Variants in KDM5A observed in about 807,000 individuals in gnomAD.
KDM5A encodes the protein lysine demethylase 5A, also known as lysine-specific demethylase 5A.
In KDM5A, 42 loss-of-function variants were observed where a neutral mutation model predicts 193.5. The observed-to-expected ratio is 0.22, with a 90% CI of 0.17 to 0.28. KDM5A has a LOEUF of 0.28. KDM5A is among the 10% of genes least tolerant of loss of function. The pLI is 1.00. For missense variants in KDM5A, 1,692 were observed against 2,055.1 expected, an observed-to-expected ratio of 0.82 and a Z score of 3.42; for synonymous variants, 796 against 718.1, an observed-to-expected ratio of 1.11 and a Z score of -1.73.
intron 24 of KDM5A, among the ~76,000 whole-genome samples, chr12:298,136 T>C (rs1943397129): frequency 6.6e-6 from 1 of 152,148 alleles, no homozygotes; most frequent in Non-Finnish European, 1.5e-5. Context: ...GACTTAAATG[T>C]CCCTGCCTGA....
At chr12:323,329 G>T in intron 15 of KDM5A, 123 bp from the exon 16 acceptor site, 2 of 1,188,986 alleles carry the variant, frequency 1.7e-6, no homozygotes, top group South Asian at 1.5e-5. Context: ...AATGGCCAAG[G>T]GAATGGGATC....
At chr12:383,405 T>C (rs1295481348) in intron 3 of KDM5A, among the ~76,000 whole-genome samples, 2 of 151,860 alleles carry the variant, frequency 1.3e-5, no homozygotes, top group Non-Finnish European at 2.9e-5. Flanking sequence ...TTAGTAGACA[T>C]AGGGTTTCAC....
At chr12:291,707 A>C (rs759270568) in intron 27 of KDM5A, among the ~76,000 whole-genome samples, 1 of 152,202 alleles carries the variant, frequency 6.6e-6, no homozygotes, top group Non-Finnish European at 1.5e-5. Context: ...GAGCATAATA[A>C]AATTAAAACT....
At chr12:322,038 C>A (rs1943723879) in intron 17 of KDM5A, among the ~76,000 whole-genome samples, 1 of 152,074 alleles carries the variant, frequency 6.6e-6, no homozygotes, top group African/African-American at 2.4e-5. Context: ...AAGAGGACTG[C>A]AATTTTATAA....
At chr12:374,497 A>G (rs1310973880) in intron 3 of KDM5A, among the ~76,000 whole-genome samples, 1 of 152,190 alleles carries the variant, frequency 6.6e-6, no homozygotes, top group Non-Finnish European at 1.5e-5. Context: ...TCCTGAATAA[A>G]GCACACTGGT....
rs938755035 is a variant in KDM5A at position 370,288 on chromosome 12, G to A, written c.367-4184C>T. Among the ~76,000 whole-genome samples the A allele has an allele frequency of 2.6e-5, 4 of 152,196 alleles. 1 individual carries two copies. Among genetic ancestry groups the A allele is most frequent in the African/African-American group, 9.6e-5 (4 of 41,460 alleles). On this transcript the variant is annotated intron_variant, in intron 3 of 27. Coordinates refer to ENST00000399788, the MANE Select transcript of KDM5A (RefSeq NM_001042603.3). ...GGCACCTGTAATCCCAGTTACTTGG[G>A]AGGCTGAGGCAGGAGAATCACTTGA...
rs557084258 is a variant in KDM5A, at chr12:343,670, G to A, written c.1308+6951C>T. ...AAACTCCAACAGATCTGCAGCTGAG[G>A]GTCCTGACTGTTAGAAGGAAAACTA... is the stretch of plus-strand genomic sequence containing the variant. On this transcript the variant is annotated intron_variant, in intron 10 of 27. Transcript: ENST00000399788. Among the ~76,000 whole-genome samples the A allele has an allele frequency of 1.6e-4, 25 of 152,268 alleles. No individual in the cohort carries two copies. The South Asian group carries it at 5.0e-3, about 30-fold the overall frequency.
chr12:323,210 CAAAAAAAA>C lies in KDM5A; in HGVS notation c.2151-12_2151-5del, dbSNP rs60377454. ...GTCTTCTAATGGGTAGCGATATCTA[CAAAAAAAA>C]AAAAAAAAAAAAAAAAAAAAAGAAA... On this transcript the variant is annotated splice_polypyrimidine_tract_variant and splice_region_variant and intron_variant, in intron 15 of 27. Transcript: ENST00000399788. 309 of 297,002 alleles carry C rather than the reference CAAAAAAAA, an allele frequency of 1.0e-3. No homozygotes were observed. Among genetic ancestry groups the C allele is most frequent in the Admixed American group, 3.0e-3 (24 of 7,930 alleles). The allele number at this position is 297,002 out of a possible 1,614,324, so 18.4% of individuals were successfully genotyped here.
intron 10 of KDM5A, among the ~76,000 whole-genome samples, chr12:348,605 T>A (rs1465858226): frequency 1.3e-5 from 2 of 152,170 alleles, no homozygotes; most frequent in East Asian, 3.8e-4. Flanking sequence ...GTTCATGTCC[T>A]TTGCAGGGAC....
At chr12:297,377 T>C (rs1038284806) in intron 24 of KDM5A, among the ~76,000 whole-genome samples, 177 bp from the exon 25 acceptor site, 10 of 152,216 alleles carry the variant, frequency 6.6e-5, no homozygotes, top group African/African-American at 1.9e-4. Context: ...AAAACTGTAA[T>C]TGTGGCAGGC....
intron 15 of KDM5A, 131 bp from the exon 16 acceptor site, chr12:323,337 A>C (rs753826109): frequency 1.1e-5 from 12 of 1,134,216 alleles, no homozygotes; most frequent in Middle Eastern, 2.9e-4. Flanking sequence ...AGGGAATGGG[A>C]TCTTAGTTCA....
intron 24 of KDM5A, among the ~76,000 whole-genome samples, chr12:297,535 C>T (rs146692824): frequency 5.9e-5 from 9 of 152,218 alleles, no homozygotes; most frequent in African/African-American, 1.2e-4. Context: ...GATTTTCACC[C>T]GGGTTTTCTA....
intron 9 of KDM5A, among the ~76,000 whole-genome samples, chr12:351,798 G>A (rs1279106168): frequency 4.6e-5 from 7 of 151,836 alleles, no homozygotes; most frequent in South Asian, 2.1e-4. Context: ...GTGAAATCCC[G>A]TCTCTATTAA....
rs979978347 is a variant in KDM5A, at chr12:285,233, T to C, written c.*223A>G. Reference sequence around the variant, plus strand: ...AACCACACTCAAAGGAGACATGAAATATTGGCTGTTGTACCAAAGAAGACA... The same window carrying C: ...AACCACACTCAAAGGAGACATGAAACATTGGCTGTTGTACCAAAGAAGACA... On this transcript the variant is annotated 3_prime_UTR_variant, in exon 28 of 28. Coordinates refer to ENST00000399788, the MANE Select transcript of KDM5A (RefSeq NM_001042603.3). The C allele has an allele frequency of 1.5e-5, 9 of 587,986 alleles. No homozygotes were observed. The South Asian group carries it at 1.7e-4, about 11-fold the overall frequency. 36.4% of individuals were successfully genotyped at this position (587,986 alleles called of 1,614,324 possible). A position where few individuals can be genotyped will look rare whatever the true frequency, so the allele number is the denominator to read the frequency against.
At chr12:364,232 G>A (rs1219971993) in intron 4 of KDM5A, among the ~76,000 whole-genome samples, 1 of 152,158 alleles carries the variant, frequency 6.6e-6, no homozygotes, top group African/African-American at 2.4e-5. Context: ...AGCACTTTGG[G>A]TGGCCAAGGT....
intron 10 of KDM5A, among the ~76,000 whole-genome samples, chr12:345,784 T>G (rs892112897): frequency 1.3e-5 from 2 of 152,196 alleles, no homozygotes; most frequent in African/African-American, 4.8e-5. Flanking sequence ...GAGGGAAATT[T>G]ATAGCACTAA....
intron 26 of KDM5A, among the ~76,000 whole-genome samples, chr12:295,311 G>C (rs560841426): frequency 7.0e-6 from 1 of 142,874 alleles, no homozygotes; most frequent in African/African-American, 2.5e-5. Flanking sequence ...GAAAGGAAAG[G>C]AGAAAAGAAA....
intron 14 of KDM5A, among the ~76,000 whole-genome samples, chr12:325,792 T>C (rs891404080): frequency 1.3e-5 from 2 of 152,200 alleles, no homozygotes; most frequent in South Asian, 2.1e-4. Flanking sequence ...GGAGGGCAGA[T>C]AACCTGAGGT....
At position 385,924 on chromosome 12, in the gene KDM5A, T is replaced by C. The variant is rs138103878; in HGVS notation, c.216A>G (p.Pro72=). Residue 72 remains proline, a synonymous_variant, in exon 2 of 28, where the codon CCA becomes CCG. Coordinates refer to ENST00000399788, the MANE Select transcript of KDM5A (RefSeq NM_001042603.3). ...ACEVKSFRFT[P]RVQRLNELEA... Reference sequence around the variant, plus strand: ...CAAGTTCATTCAGGCGCTGGACTCTTGGAGTGAAACGAAAGCTTTTTACTT... The same window carrying C: ...CAAGTTCATTCAGGCGCTGGACTCTCGGAGTGAAACGAAAGCTTTTTACTT... 6 of 1,613,900 alleles carry C rather than the reference T, an allele frequency of 3.7e-6. No individual in the cohort carries two copies. The highest frequency in any genetic ancestry group is 1.7e-4 in the Middle Eastern group (1 of 6,058).
Sources: allele counts gnomAD v4.1 joint callset (sites outside exome capture counted in the v4.1 genomes callset), GRCh38; gene constraint gnomAD v4.1.1; transcripts MANE v1.5; gene names NCBI Gene and HGNC (gene_info 2026-07-23, HGNC 2026-07-21).